The following CCDC146 variants were observed in gnomAD, a reference collection of about 807,000 sequenced individuals.
CCDC146 encodes the protein coiled-coil domain-containing protein 146.
Under a neutral mutation model 119.3 loss-of-function variants are expected in CCDC146, and 92 were observed. The observed-to-expected ratio is 0.77, with a 90% CI of 0.65 to 0.92. CCDC146 has a LOEUF of 0.92. Among genes scored for constraint, CCDC146 ranks in the 40% least tolerant of loss-of-function variants. The pLI, the probability that CCDC146 is intolerant of heterozygous loss-of-function variation, is 0.00. For synonymous variants in CCDC146, 372 were observed against 371.8 expected (o/e 1.00, Z -0.01); for missense variants, 1,000 against 1,103.0 (o/e 0.91, Z 1.32).
At position 77,260,105 on chromosome 7, in the gene CCDC146, T is replaced by C. The variant is rs769503585; in HGVS notation, c.855T>C (p.Asp285=). The C allele has an allele frequency of 9.3e-6, 15 of 1,613,894 alleles. No homozygotes were observed. In the East Asian group the frequency reaches 2.9e-4, roughly 31 times the overall value. Residue 285 remains aspartate (D), a synonymous_variant, in exon 8 of 19, where the codon GAT becomes GAC. Transcript: ENST00000285871. ...AAAACAAGGTTAGTGCTATAGTGGA[T>C]GAGAAGGAAAATGTAATAAAGGAAG... is the stretch of plus-strand genomic sequence containing the variant. ...KVENKVSAIV[D]EKENVIKEVE...
intron 18 of CCDC146, 103 bp downstream of exon 18, chr7:77,293,303 AC>A: frequency 8.2e-7 from 1 of 1,215,980 alleles, no homozygotes; most frequent in Non-Finnish European, 1.2e-6. Context: ...TCCCCACTCT[AC>A]CACACACAGT....
At chr7:77,191,950 A>AT (rs772595845) in intron 2 of CCDC146, among the ~76,000 whole-genome samples, 16 of 151,010 alleles carry the variant, frequency 1.1e-4, no homozygotes, top group Admixed American at 3.3e-4. Context: ...GATGATGATG[A>AT]TTTTTTTTCT....
chr7:77,275,652 C>G (rs1349607035), intron 11 of CCDC146, among the ~76,000 whole-genome samples: 1 of 152,120 alleles, frequency 6.6e-6, no homozygotes, highest in Non-Finnish European at 1.5e-5. Context: ...CTCCCAACTT[C>G]ATCAAGACAG....
At chr7:77,255,689 G>C (rs535177474) in intron 5 of CCDC146, among the ~76,000 whole-genome samples, 11 of 152,298 alleles carry the variant, frequency 7.2e-5, no homozygotes, top group African/African-American at 2.4e-4. Flanking sequence ...TAAGAGTAAC[G>C]TGTAGACCTT....
intron 2 of CCDC146, among the ~76,000 whole-genome samples, chr7:77,182,407 A>C (rs1225038548): frequency 6.6e-6 from 1 of 152,174 alleles, no homozygotes; most frequent in Admixed American, 6.5e-5. Flanking sequence ...TTCACTGCCT[A>C]CCATGATTGT....
At chr7:77,192,679 C>T (rs1791790268) in intron 2 of CCDC146, among the ~76,000 whole-genome samples, 2 of 152,172 alleles carry the variant, frequency 1.3e-5, no homozygotes, top group Admixed American at 6.5e-5. Context: ...AATCCCAGCA[C>T]TTTGCGAGGC....
Position 77,280,469 on chromosome 7 carries a change from A to G in CCDC146, c.1735A>G (p.Thr579Ala). Residue 579 changes from threonine to alanine, a missense_variant, in exon 14 of 19, where the codon ACC becomes GCC. Physicochemically the swap from Thr to Ala is moderately conservative, Grantham distance 58 (BLOSUM62 0). Coordinates refer to ENST00000285871, the MANE Select transcript of CCDC146 (RefSeq NM_020879.3). ...NSMLKHANNV[T>A]IRESMQNDVR... Reference sequence around the variant, plus strand: ...CATGCTGAAACACGCCAACAATGTTACCATCAGAGAGAGCATGCAAAACGA... The same window carrying G: ...CATGCTGAAACACGCCAACAATGTTGCCATCAGAGAGAGCATGCAAAACGA... The G allele has an allele frequency of 6.2e-7, 1 of 1,614,032 alleles. No individual in the cohort carries two copies. The highest frequency in any genetic ancestry group is 1.1e-5 in the South Asian group (1 of 90,998).
chr7:77,260,850 G>A (rs955016554), intron 8 of CCDC146, among the ~76,000 whole-genome samples: 1 of 151,820 alleles, frequency 6.6e-6, no homozygotes, highest in Non-Finnish European at 1.5e-5. Context: ...AGGTGGTCTC[G>A]ATCTCTTGAC....
At chr7:77,136,160 T>C (rs1196243040) in intron 1 of CCDC146, among the ~76,000 whole-genome samples, 1 of 152,220 alleles carries the variant, frequency 6.6e-6, no homozygotes, top group Non-Finnish European at 1.5e-5. Flanking sequence ...AAAGAAATTA[T>C]GTAGTATTGA....
intron 15 of CCDC146, among the ~76,000 whole-genome samples, chr7:77,284,262 C>T (rs1183184898): frequency 6.6e-6 from 1 of 152,130 alleles, no homozygotes; most frequent in Admixed American, 6.5e-5. Context: ...GATATCCATA[C>T]TCTTCTTGGG....
intron 2 of CCDC146, among the ~76,000 whole-genome samples, chr7:77,215,911 T>C (rs1792294116): frequency 6.6e-6 from 1 of 152,092 alleles, no homozygotes; most frequent in Non-Finnish European, 1.5e-5. Flanking sequence ...TGGTTTATTT[T>C]TTTCAAATTC....
At chr7:77,277,566 A>C (rs1395599449) in intron 11 of CCDC146, among the ~76,000 whole-genome samples, 1 of 152,202 alleles carries the variant, frequency 6.6e-6, no homozygotes, top group Non-Finnish European at 1.5e-5. Context: ...TTCACATTGC[A>C]TCCACATCCC....
intron 2 of CCDC146, among the ~76,000 whole-genome samples, chr7:77,215,316 A>G (rs544157532): frequency 2.9e-4 from 44 of 151,812 alleles, no homozygotes; most frequent in Admixed American, 1.3e-3. Flanking sequence ...GCCTTTTGAC[A>G]TGACTCCAAA....
intron 7 of CCDC146, 100 bp from the exon 8 acceptor site, chr7:77,259,909 G>A: frequency 1.2e-6 from 1 of 818,532 alleles, no homozygotes; most frequent in Non-Finnish European, 2.0e-6. Flanking sequence ...GCAAGAATAG[G>A]TAAAGCCAGC....
chr7:77,291,533 C>T (rs993341178), intron 17 of CCDC146, among the ~76,000 whole-genome samples: 1 of 152,006 alleles, frequency 6.6e-6, no homozygotes, highest in African/African-American at 2.4e-5. Context: ...GGTGAGACTC[C>T]ATCTCTACAA....
chr7:77,212,841 A>G (rs79699214), intron 2 of CCDC146, among the ~76,000 whole-genome samples: 2,092 of 151,902 alleles, frequency 0.014, 56 homozygotes, highest in African/African-American at 0.047. Context: ...AAGCTGGGCC[A>G]TTTGTCCCAT....
At chr7:77,170,755 G>A (rs1022920828) in intron 2 of CCDC146, among the ~76,000 whole-genome samples, 20 of 152,070 alleles carry the variant, frequency 1.3e-4, no homozygotes, top group Non-Finnish European at 2.5e-4. Context: ...AATAGGCAAA[G>A]GACACTAACA....
intron 15 of CCDC146, among the ~76,000 whole-genome samples, chr7:77,284,217 A>G (rs73706616): frequency 0.063 from 9,582 of 152,240 alleles, 1,040 homozygotes; most frequent in African/African-American, 0.22. Context: ...GTGGGGTTAC[A>G]TTACAGAAAT....
At chr7:77,225,799 T>C (rs1792500414) in intron 2 of CCDC146, among the ~76,000 whole-genome samples, 1 of 151,132 alleles carries the variant, frequency 6.6e-6, no homozygotes, top group Non-Finnish European at 1.5e-5. Flanking sequence ...AAAAATTAGC[T>C]TGGCATGGTG....
Sources: allele counts gnomAD v4.1 joint callset (sites outside exome capture counted in the v4.1 genomes callset), GRCh38; gene constraint gnomAD v4.1.1; transcripts MANE v1.5; gene names NCBI Gene and HGNC (gene_info 2026-07-23, HGNC 2026-07-21).